ZNF208: variants seen among roughly 807,000 people sequenced by gnomAD.
ZNF208 encodes the protein zinc finger protein 95.
ZNF208 carries 10 observed loss-of-function variants against 12.1 expected under a neutral mutation model. That is an observed-to-expected ratio of 0.83 (90% CI 0.51 to 1.40). ZNF208 has a LOEUF of 1.40. ZNF208 is among the 40% of genes most tolerant of loss of function. The pLI, the probability that ZNF208 is intolerant of heterozygous loss-of-function variation, is 0.00. For synonymous variants in ZNF208, 497 were observed against 488.4 expected (o/e 1.02, Z -0.23); for missense variants, 1,652 against 1,485.0 (o/e 1.11, Z -1.85).
At chr19:22,007,363 C>CA (rs1486619706) in intron 1 of ZNF208, among the ~76,000 whole-genome samples, 4 of 151,316 alleles carry the variant, frequency 2.6e-5, no homozygotes, top group Non-Finnish European at 5.9e-5. Flanking sequence ...ACTAAAAATA[C>CA]AAAAAAATTT....
chr19:21,965,552 C>A (rs1360941514), downstream of ZNF208, among the ~76,000 whole-genome samples: 3 of 151,968 alleles, frequency 2.0e-5, no homozygotes, highest in Non-Finnish European at 2.9e-5. Context: ...TTTCACACTG[C>A]AATAGCGTAA....
At chr19:21,962,618 G>T (rs1185527073), downstream of ZNF208, among the ~76,000 whole-genome samples, 4 of 151,994 alleles carry the variant, frequency 2.6e-5, no homozygotes, top group East Asian at 1.9e-4. Flanking sequence ...AGACACATTT[G>T]CTTCTCATCC....
At chr19:22,001,942 A>AAAAAAAAAAAAAT (rs1970961962) in intron 1 of ZNF208, among the ~76,000 whole-genome samples, 1 of 149,688 alleles carries the variant, frequency 6.7e-6, no homozygotes. Context: ...AAGAAAAGAA[A>AAAAAAAAAAAAAT]TCTTCAACAA....
intron 3 of ZNF208, among the ~76,000 whole-genome samples, chr19:21,975,823 CAAAAAAAAAAAAAAAAAA>C (rs532995268): frequency 1.9e-4 from 5 of 26,408 alleles, no homozygotes; most frequent in Non-Finnish European, 3.4e-4. Context: ...AGTCAAAGTC[CAAAAAAAAAAAAAAAAAA>C]AAAAAAAAAA....
At chr19:21,981,305 C>T (rs1970533524) in intron 3 of ZNF208, among the ~76,000 whole-genome samples, 1 of 151,970 alleles carries the variant, frequency 6.6e-6, no homozygotes. Context: ...ATGCAAAAAT[C>T]CTCAATAAAA....
intron 1 of ZNF208, among the ~76,000 whole-genome samples, chr19:22,004,041 G>A (rs1971001647): frequency 6.6e-6 from 1 of 152,072 alleles, no homozygotes; most frequent in Non-Finnish European, 1.5e-5. Context: ...AGCTAAGCAT[G>A]GTGGCACAGA....
chr19:21,987,936 G>A (rs940483076), intron 2 of ZNF208, among the ~76,000 whole-genome samples: 2 of 152,062 alleles, frequency 1.3e-5, no homozygotes, highest in African/African-American at 4.8e-5. Context: ...CACCCTTTGT[G>A]CACTCTTAAC....
At chr19:21,950,703 C>A (rs201322296) in intron 4 of ZNF208, among the ~76,000 whole-genome samples, 6 of 152,002 alleles carry the variant, frequency 3.9e-5, no homozygotes, top group Admixed American at 3.3e-4. Context: ...CCATGTTGGC[C>A]AGGCTGGTCT....
chr19:21,941,706 A>G (rs1969744885), intron 4 of ZNF208, among the ~76,000 whole-genome samples: 1 of 152,082 alleles, frequency 6.6e-6, no homozygotes, highest in Non-Finnish European at 1.5e-5. Context: ...AGTCAATTGT[A>G]TTTGTTTTAC....
intron 3 of ZNF208, among the ~76,000 whole-genome samples, chr19:21,978,714 G>A (rs1970479502): frequency 6.6e-6 from 1 of 152,154 alleles, no homozygotes; most frequent in Admixed American, 6.5e-5. Flanking sequence ...AAACTGAATG[G>A]AGAATGAGTT....
intron 1 of ZNF208, among the ~76,000 whole-genome samples, chr19:21,993,547 C>A (rs1433784558): frequency 3.3e-5 from 5 of 151,996 alleles, no homozygotes; most frequent in Non-Finnish European, 5.9e-5. Context: ...CTCTCAAGCT[C>A]TAATGAGCTT....
chr19:21,958,506 C>A (rs1280749460), intron 4 of ZNF208, among the ~76,000 whole-genome samples: 11 of 152,138 alleles, frequency 7.2e-5, no homozygotes, highest in Admixed American at 7.2e-4. Context: ...CTCATGCACC[C>A]AAATCTTAGC....
At chr19:22,001,039 A>G (rs1306913500) in intron 1 of ZNF208, among the ~76,000 whole-genome samples, 1 of 152,192 alleles carries the variant, frequency 6.6e-6, no homozygotes, top group Non-Finnish European at 1.5e-5. Flanking sequence ...CTGTAATCCC[A>G]GCACTTTGGG....
chr19:21,946,496 A>G (rs1167859514), intron 4 of ZNF208, among the ~76,000 whole-genome samples: 2 of 152,132 alleles, frequency 1.3e-5, no homozygotes, highest in South Asian at 2.1e-4. Flanking sequence ...TTCTTTTTGC[A>G]TATTAAACTT....
intron 4 of ZNF208, among the ~76,000 whole-genome samples, chr19:21,955,272 A>T (rs1969954656): frequency 6.6e-6 from 1 of 151,996 alleles, no homozygotes; most frequent in South Asian, 2.1e-4. Flanking sequence ...TTTTTCCTCC[A>T]TTTCAACTTT....
At chr19:21,989,759 T>C (rs1167690255) in intron 1 of ZNF208, among the ~76,000 whole-genome samples, 3 of 152,330 alleles carry the variant, frequency 2.0e-5, no homozygotes, top group East Asian at 1.9e-4. Flanking sequence ...TTCCTGCCTT[T>C]TTAATGATTG....
chr19:22,010,495 C>G (rs1231832763), intron 1 of ZNF208, among the ~76,000 whole-genome samples: 1 of 152,212 alleles, frequency 6.6e-6, no homozygotes, highest in East Asian at 1.9e-4. Flanking sequence ...CTCTCACGAC[C>G]CTCTCATGGT....
rs1280403196 is a variant in ZNF208, at chr19:21,969,256, C to A, written c.*1935G>T. ...CACCTTGGCATCACAAAGTATTGGC[C>A]ACAGTAAGCCAATGTGTCTGGAAAA... On this transcript the variant is annotated 3_prime_UTR_variant, in exon 4 of 4. Transcript: ENST00000397126. Among the ~76,000 whole-genome samples, 1 of 149,152 alleles carries A rather than the reference C, an allele frequency of 6.7e-6. No homozygotes were observed. Among genetic ancestry groups the A allele is most frequent in the Non-Finnish European group, 1.5e-5 (1 of 67,602 alleles).
intron 3 of ZNF208, among the ~76,000 whole-genome samples, chr19:21,985,431 G>C (rs921084117): frequency 1.2e-4 from 19 of 152,174 alleles, no homozygotes; most frequent in Non-Finnish European, 2.5e-4. Flanking sequence ...GCCTTTAAGA[G>C]AGCTTTGAGA....
Sources: gnomAD v4.1 joint callset for allele counts (sites outside exome capture counted in the v4.1 genomes callset) on GRCh38, gnomAD v4.1.1 for gene constraint, MANE v1.5 for transcripts, NCBI Gene and HGNC (gene_info 2026-07-23, HGNC 2026-07-21) for gene names.